TFAP2D: variants seen among roughly 807,000 people sequenced by gnomAD.
TFAP2D encodes the protein transcription factor AP-2 delta.
In TFAP2D, 9 loss-of-function variants were observed where a neutral mutation model predicts 43.6. The ratio of observed to expected loss-of-function variants is 0.21; its 90% confidence interval spans 0.12 to 0.36. The LOEUF (loss-of-function observed/expected upper bound fraction) is 0.36, where lower values mean the gene tolerates loss of function less well. TFAP2D is among the 10% of genes least tolerant of loss of function. The pLI, the probability that TFAP2D is intolerant of heterozygous loss-of-function variation, is 1.00. For missense variants in TFAP2D, 513 were observed against 561.4 expected (o/e 0.91, Z 0.87); for synonymous variants, 256 against 224.9 (o/e 1.14, Z -1.24).
In TFAP2D at chr6:50,729,319, C is replaced by A. The variant is rs971383956; in HGVS notation, c.883+7C>A. ...CTTACTTCCTTGGTTGAAGGTATGA[C>A]TTTTCAGTTTAGCAAAATAATGCTG... is the stretch of plus-strand genomic sequence containing the variant. On this transcript the variant is annotated splice_region_variant and intron_variant, in intron 5 of 7. Transcript: ENST00000008391. 3 of 1,610,130 alleles carry A rather than the reference C, an allele frequency of 1.9e-6. No homozygotes were observed. The African/African-American group carries it at 4.0e-5, about 22-fold the overall frequency.
At chr6:50,745,330 A>G (rs1168726915) in intron 6 of TFAP2D, 82 bp downstream of exon 6, 11 of 1,568,780 alleles carry the variant, frequency 7.0e-6, no homozygotes, top group Middle Eastern at 3.4e-4. Flanking sequence ...AAAACAGTCT[A>G]GAAGGCACCC....
intron 3 of TFAP2D, among the ~76,000 whole-genome samples, chr6:50,720,504 CA>C (rs2114030575): frequency 8.8e-6 from 1 of 114,002 alleles, no homozygotes; most frequent in South Asian, 2.4e-4. Context: ...CACACACACA[CA>C]CACACACACA....
At chr6:50,754,384 G>A (rs1008660573) in intron 7 of TFAP2D, among the ~76,000 whole-genome samples, 1 of 151,586 alleles carries the variant, frequency 6.6e-6, no homozygotes, top group Admixed American at 6.6e-5. Context: ...GCCTATATAT[G>A]CCACATTTTA....
At chr6:50,727,153 T>C (rs1050860172) in intron 3 of TFAP2D, among the ~76,000 whole-genome samples, 4 of 152,182 alleles carry the variant, frequency 2.6e-5, no homozygotes, top group Middle Eastern at 3.2e-3. Context: ...TTGTTGTTTT[T>C]TGGAGGGACT....
chr6:50,745,669 A>C lies in TFAP2D; in HGVS notation c.1025+421A>C, dbSNP rs189484526. Reference sequence around the variant, plus strand: ...GGAATGTGACAGAAGATGAGGTCACACGTTGGTGAGAGGTACCAGGGAGAC... The same window carrying C: ...GGAATGTGACAGAAGATGAGGTCACCCGTTGGTGAGAGGTACCAGGGAGAC... On this transcript the variant is annotated intron_variant, in intron 6 of 7. Transcript: ENST00000008391. Among the ~76,000 whole-genome samples the C allele has an allele frequency of 1.0e-3, 158 of 152,302 alleles. 1 individual carries two copies. Among genetic ancestry groups the C allele is most frequent in the Admixed American group, 4.6e-3 (70 of 15,286 alleles).
At chr6:50,740,524 C>T (rs1272904182) in intron 5 of TFAP2D, among the ~76,000 whole-genome samples, 1 of 152,120 alleles carries the variant, frequency 6.6e-6, no homozygotes, top group Non-Finnish European at 1.5e-5. Context: ...ACTTCCGCCT[C>T]CCGAGTTCAA....
intron 6 of TFAP2D, among the ~76,000 whole-genome samples, chr6:50,746,167 T>A (rs138758698): frequency 9.0e-4 from 137 of 152,324 alleles, no homozygotes; most frequent in African/African-American, 3.0e-3. Flanking sequence ...ATTTTAGAAC[T>A]GATAGTTTCA....
At position 50,751,278 on chromosome 6, in the gene TFAP2D, A is replaced by T; in HGVS notation, c.1093A>T (p.Thr365Ser). ...ATCACCACTGGGATCCTCCAGACCC[A>T]CTCCAATTCTAGACCTTGACATCCA... ...DRSPLGSSRP[T>S]PILDLDIQRH... is the part of the protein sequence containing the mutation. The change falls in exon 7 of 8, where the codon ACT (threonine) becomes TCT (serine). Residue 365 changes from threonine to serine, a missense_variant. Physicochemically the swap from Thr to Ser is moderately conservative, Grantham distance 58 (BLOSUM62 1). Coordinates refer to ENST00000008391, the MANE Select transcript of TFAP2D (RefSeq NM_172238.4). The T allele has an allele frequency of 6.2e-7, 1 of 1,611,650 alleles. No homozygotes were observed.
chr6:50,756,471 T>C (rs1324388533), intron 7 of TFAP2D, among the ~76,000 whole-genome samples: 1 of 152,066 alleles, frequency 6.6e-6, no homozygotes, highest in Non-Finnish European at 1.5e-5. Context: ...GGTTGGCTGA[T>C]TTGGTGCCTT....
chr6:50,742,633 ATAG>A (rs1769066305), intron 5 of TFAP2D, among the ~76,000 whole-genome samples: 1 of 145,964 alleles, frequency 6.9e-6, no homozygotes, highest in African/African-American at 2.5e-5. Context: ...TAGATAGATG[ATAG>A]ATAGATAGAC....
At chr6:50,744,444 A>G (rs868536742) in intron 5 of TFAP2D, among the ~76,000 whole-genome samples, 1 of 151,172 alleles carries the variant, frequency 6.6e-6, no homozygotes, top group Non-Finnish European at 1.5e-5. Flanking sequence ...GATTTTTTAA[A>G]TAAAAGTTTA....
chr6:50,714,711 C>T (rs1215094424), intron 1 of TFAP2D, among the ~76,000 whole-genome samples: 2 of 152,146 alleles, frequency 1.3e-5, no homozygotes, highest in Non-Finnish European at 1.5e-5. Flanking sequence ...GCGCTCTTTT[C>T]GGGTGGACTC....
intron 7 of TFAP2D, among the ~76,000 whole-genome samples, chr6:50,770,244 C>T (rs888319534): frequency 6.6e-6 from 1 of 152,156 alleles, no homozygotes; most frequent in Non-Finnish European, 1.5e-5. Flanking sequence ...CTAGTTGTCT[C>T]ATTGTAGAAA....
At chr6:50,745,324 C>A in intron 6 of TFAP2D, 76 bp downstream of exon 6, 5 of 1,589,294 alleles carry the variant, frequency 3.1e-6, no homozygotes, top group Non-Finnish European at 4.3e-6. Flanking sequence ...ATGAGGAAAA[C>A]AGTCTAGAAG....
At chr6:50,757,122 T>A (rs1769275996) in intron 7 of TFAP2D, among the ~76,000 whole-genome samples, 1 of 151,404 alleles carries the variant, frequency 6.6e-6, no homozygotes, top group South Asian at 2.1e-4. Flanking sequence ...GGCTGAAGTT[T>A]TGTTGTTTGC....
chr6:50,756,452 T>C (rs190380862), intron 7 of TFAP2D, among the ~76,000 whole-genome samples: 154 of 152,230 alleles, frequency 1.0e-3, no homozygotes, highest in Non-Finnish European at 3.8e-4. Context: ...CTTAAAAGTA[T>C]ACCTTATAGG....
intron 6 of TFAP2D, 114 bp downstream of exon 6, chr6:50,745,362 C>G: frequency 7.0e-7 from 1 of 1,432,146 alleles, no homozygotes; most frequent in African/African-American, 1.5e-5. Context: ...CAAGGAAGGT[C>G]TCACACACAA....
intron 2 of TFAP2D, 126 bp from the exon 3 acceptor site, chr6:50,718,964 C>A: frequency 1.1e-6 from 1 of 889,994 alleles, no homozygotes. Context: ...TGCTTCAGCT[C>A]AATGCTTGCT....
intron 7 of TFAP2D, among the ~76,000 whole-genome samples, chr6:50,758,849 T>C (rs1460905494): frequency 1.3e-5 from 2 of 151,964 alleles, no homozygotes; most frequent in African/African-American, 4.8e-5. Context: ...GGTTAGCAGA[T>C]ATGAGTTAGG....
Sources: allele counts gnomAD v4.1 joint callset (sites outside exome capture counted in the v4.1 genomes callset), GRCh38; gene constraint gnomAD v4.1.1; transcripts MANE v1.5; gene names NCBI Gene and HGNC (gene_info 2026-07-23, HGNC 2026-07-21).